Variants in IRAK1BP1 observed in about 807,000 individuals in gnomAD.
The protein encoded by IRAK1BP1 is interleukin-1 receptor-associated kinase 1-binding protein 1.
IRAK1BP1 carries 24 observed loss-of-function variants against 28.0 expected under a neutral mutation model. That is an observed-to-expected ratio of 0.86 (90% CI 0.62 to 1.20). The LOEUF (loss-of-function observed/expected upper bound fraction) is 1.20, where lower values mean the gene tolerates loss of function less well. IRAK1BP1 is among the 50% of genes most tolerant of loss of function. The pLI is 0.00. For missense variants in IRAK1BP1, 336 were observed against 316.7 expected, an observed-to-expected ratio of 1.06 and a Z score of -0.46; for synonymous variants, 131 against 116.3, an observed-to-expected ratio of 1.13 and a Z score of -0.81.
intron 2 of IRAK1BP1, among the ~76,000 whole-genome samples, chr6:78,893,200 A>T (rs148039722): frequency 6.6e-6 from 1 of 151,624 alleles, no homozygotes; most frequent in African/African-American, 2.4e-5. Flanking sequence ...AACAAAGGTA[A>T]GACAACAGAT....
chr6:78,975,490 T>A, the IRAK1BP1 span, among the ~76,000 whole-genome samples: 1 of 152,054 alleles, frequency 6.6e-6, no homozygotes, highest in South Asian at 2.1e-4. Flanking sequence ...CTCTCACCAC[T>A]CCTATTCAAC....
At chr6:78,923,574 G>T (rs1450118710) in intron 4 of IRAK1BP1, among the ~76,000 whole-genome samples, 2 of 152,132 alleles carry the variant, frequency 1.3e-5, no homozygotes, top group African/African-American at 4.8e-5. Context: ...AGACCTAATA[G>T]ACATCTACAG....
At chr6:78,926,423 C>T (rs1034789614) in intron 4 of IRAK1BP1, among the ~76,000 whole-genome samples, 3 of 151,968 alleles carry the variant, frequency 2.0e-5, no homozygotes, top group African/African-American at 7.2e-5. Context: ...TTTCTGGGTA[C>T]GTGGTAGGTG....
At chr6:78,908,175 C>T (rs528790673) in intron 4 of IRAK1BP1, among the ~76,000 whole-genome samples, 1 of 151,654 alleles carries the variant, frequency 6.6e-6, no homozygotes, top group Non-Finnish European at 1.5e-5. Context: ...CTCAGCCTCC[C>T]GAGTAGCTGG....
chr6:78,945,613 A>C lies in IRAK1BP1; in HGVS notation c.*273A>C. 6 of 689,244 alleles carry C rather than the reference A, an allele frequency of 8.7e-6. No homozygotes were observed. The South Asian group carries it at 1.1e-4, about 13-fold the overall frequency. The allele number at this position is 689,244 out of a possible 1,614,324, so 42.7% of individuals were successfully genotyped here. On this transcript the variant is annotated 3_prime_UTR_variant and NMD_transcript_variant, in exon 5 of 5. Coordinates refer to the IRAK1BP1 transcript ENST00000606868. ...ACAACAAAACCTGAAGGATGCTTAA[A>C]GCTTTCTTAGGAAAGCTACTTTCTA...
rs186126850 is a variant in IRAK1BP1 at position 78,913,662 on chromosome 6, T to G, written c.*67+10552T>G. On this transcript the variant is annotated intron_variant and NMD_transcript_variant, in intron 4 of 4. Coordinates refer to the IRAK1BP1 transcript ENST00000606868. ...TCTGTCTCAAAAAAAAAGTCATTGC[T>G]GAGAAGATGACTGCATCTTTAAAAT... Among the ~76,000 whole-genome samples the G allele has an allele frequency of 1.8e-4, 27 of 152,202 alleles. No homozygotes were observed. In the East Asian group the frequency reaches 2.5e-3, roughly 14 times the overall value.
chr6:78,886,046 C>G (rs916675656), intron 2 of IRAK1BP1, among the ~76,000 whole-genome samples: 3 of 152,126 alleles, frequency 2.0e-5, no homozygotes, highest in Non-Finnish European at 4.4e-5. Flanking sequence ...TGATTCCAAA[C>G]ATTTTGGAGT....
the IRAK1BP1 span, among the ~76,000 whole-genome samples, chr6:78,966,322 G>A: frequency 6.3e-3 from 965 of 152,102 alleles, 19 homozygotes; most frequent in African/African-American, 0.022. Context: ...CTTGTTTTAG[G>A]CATTTTTACC....
At chr6:78,929,998 A>G (rs1453282134) in intron 4 of IRAK1BP1, among the ~76,000 whole-genome samples, 2 of 152,108 alleles carry the variant, frequency 1.3e-5, no homozygotes, top group African/African-American at 4.8e-5. Context: ...GTGCAGTGGC[A>G]CTATCTCAGC....
intron 2 of IRAK1BP1, among the ~76,000 whole-genome samples, chr6:78,891,386 T>C (rs1265577599): frequency 3.9e-5 from 6 of 152,220 alleles, no homozygotes; most frequent in African/African-American, 1.4e-4. Context: ...ATTAAAATCC[T>C]AGCTTTGTGA....
intron 4 of IRAK1BP1, among the ~76,000 whole-genome samples, chr6:78,923,160 T>A (rs1772788400): frequency 6.6e-6 from 1 of 152,094 alleles, no homozygotes; most frequent in South Asian, 2.1e-4. Flanking sequence ...CCCATCAGTG[T>A]GCTGTATTCA....
At chr6:78,950,584 G>A (rs746334467), downstream of IRAK1BP1, among the ~76,000 whole-genome samples, 6 of 151,928 alleles carry the variant, frequency 3.9e-5, no homozygotes, top group South Asian at 2.1e-4. Context: ...TTTGAATATC[G>A]GTCTATTTCA....
chr6:78,955,312 A>C, the IRAK1BP1 span: 3 of 1,529,846 alleles, frequency 2.0e-6, no homozygotes, highest in African/African-American at 1.4e-5. Flanking sequence ...CAGATTCATA[A>C]AACATTTTAG....
At chr6:78,971,935 G>A in the IRAK1BP1 span, among the ~76,000 whole-genome samples, 22 of 152,194 alleles carry the variant, frequency 1.4e-4, no homozygotes, top group Admixed American at 2.0e-4. Context: ...CTGCAAGGCG[G>A]CAGCGAGGCT....
Position 78,885,408 on chromosome 6 carries a change from A to G in IRAK1BP1, c.346A>G (p.Arg116Gly). Residue 116 changes from arginine (R) to glycine (G), a missense_variant, in exon 2 of 4, where the codon AGG (arginine) becomes GGG (glycine). By Grantham distance (125) the Arg-to-Gly change is moderately radical. Transcript: ENST00000369940. Reference protein sequence around the residue: ...AENITVTKDFRRVENAYHMEA... With the variant: ...AENITVTKDFGRVENAYHMEA... Reference sequence around the variant, plus strand: ...AAATATAACTGTGACAAAGGATTTTAGGAGAGTGGAAAATGCTTATCACAT... The same window carrying G: ...AAATATAACTGTGACAAAGGATTTTGGGAGAGTGGAAAATGCTTATCACAT... 1 of 1,583,678 alleles carries G rather than the reference A, an allele frequency of 6.3e-7. No homozygotes were observed.
intron 4 of IRAK1BP1, among the ~76,000 whole-genome samples, chr6:78,933,928 AAT>A (rs577976544): frequency 1.4e-3 from 215 of 152,260 alleles, no homozygotes; most frequent in African/African-American, 4.9e-3. Context: ...TGCTTGGCAC[AAT>A]AGTTTCAGCT....
the IRAK1BP1 span, chr6:78,965,804 T>C: frequency 7.2e-6 from 9 of 1,246,626 alleles, no homozygotes; most frequent in Admixed American, 1.5e-4. Context: ...AAATCTAAAT[T>C]ATTGTATCAC....
chr6:78,949,243 T>A (rs1177717523), downstream of IRAK1BP1, among the ~76,000 whole-genome samples: 1 of 152,172 alleles, frequency 6.6e-6, no homozygotes, highest in East Asian at 1.9e-4. Context: ...CTATTTGCCA[T>A]CTATTCACAG....
intron 2 of IRAK1BP1, among the ~76,000 whole-genome samples, chr6:78,897,600 T>C (rs1771936857): frequency 6.6e-6 from 1 of 152,194 alleles, no homozygotes; most frequent in Admixed American, 6.5e-5. Flanking sequence ...TGGTTTAAAA[T>C]ATAAGTTTTT....
Sources: gnomAD v4.1 joint callset for allele counts (sites outside exome capture counted in the v4.1 genomes callset) on GRCh38, gnomAD v4.1.1 for gene constraint, MANE v1.5 for transcripts, NCBI Gene and HGNC (gene_info 2026-07-23, HGNC 2026-07-21) for gene names.